Variants in AHCYL2 observed in about 807,000 individuals in gnomAD.
The protein encoded by AHCYL2 is S-adenosylhomocysteine hydrolase-like protein 2.
Under a neutral mutation model 81.4 loss-of-function variants are expected in AHCYL2, and 28 were observed. The observed-to-expected ratio is 0.34, with a 90% CI of 0.25 to 0.47. The LOEUF is 0.47. Ranked by LOEUF, AHCYL2 falls within the 20% of genes least tolerant of loss-of-function variation. AHCYL2 has a pLI of 1.00. For missense variants in AHCYL2, 551 were observed against 785.1 expected (o/e 0.70, Z 3.56); for synonymous variants, 272 against 290.2 (o/e 0.94, Z 0.64).
chr7:129,248,319 G>C (rs746923484), intron 1 of AHCYL2, among the ~76,000 whole-genome samples: 1 of 152,072 alleles, frequency 6.6e-6, no homozygotes, highest in South Asian at 2.1e-4. Context: ...TAAAAATCCT[G>C]GGATGCTCGA....
In AHCYL2 at chr7:129,426,931, C is replaced by A. The variant is rs1797390283; in HGVS notation, c.1830-108C>A. 2.7e-6 allele frequency: 3 copies of A among 1,124,978 alleles called. No individual in the cohort carries two copies. Among genetic ancestry groups the A allele is most frequent in the Non-Finnish European group, 4.0e-6 (3 of 757,142 alleles). 69.7% of individuals were successfully genotyped at this position (1,124,978 alleles called of 1,614,324 possible). A position where few individuals can be genotyped will look rare whatever the true frequency, so the allele number is the denominator to read the frequency against. ...CACAGTTATTTCCTGTCACTGTACA[C>A]TCCAGAAAAGTCTCTGCCTCCCTGT... is the stretch of plus-strand genomic sequence containing the variant. On this transcript the variant is annotated intron_variant, in intron 16 of 16. Transcript: ENST00000325006. The surrounding 1 kb of genome is among the most constrained non-coding windows in gnomAD (Gnocchi z 4.3).
At chr7:129,273,469 C>T (rs1450509902) in intron 1 of AHCYL2, among the ~76,000 whole-genome samples, 2 of 151,778 alleles carry the variant, frequency 1.3e-5, no homozygotes, top group East Asian at 3.9e-4. Flanking sequence ...TCTGGGATTA[C>T]AGGCATGCAT....
chr7:129,404,647 C>T (rs1014297982), intron 7 of AHCYL2, among the ~76,000 whole-genome samples: 5 of 152,154 alleles, frequency 3.3e-5, no homozygotes, highest in East Asian at 1.9e-4. Flanking sequence ...TGCTCTCCAG[C>T]GGGGACAACA....
chr7:129,358,607 ATTG>A (rs754477550), intron 1 of AHCYL2, among the ~76,000 whole-genome samples: 20 of 152,318 alleles, frequency 1.3e-4, no homozygotes, highest in East Asian at 3.9e-4. Flanking sequence ...AGAATGAGGA[ATTG>A]TTGTTTAATG....
chr7:129,238,084 A>G lies in AHCYL2; in HGVS notation c.363+12645A>G, dbSNP rs539701707. Among the ~76,000 whole-genome samples the G allele has an allele frequency of 4.6e-5, 7 of 152,052 alleles. No individual in the cohort carries two copies. The South Asian group carries it at 1.0e-3, about 23-fold the overall frequency. ...GTGTGATGAGGCTCTAGGACGAAAA[A>G]TTTTTCCCGGGTTAGGTAGGTGTGG... is the stretch of plus-strand genomic sequence containing the variant. On this transcript the variant is annotated intron_variant, in intron 1 of 16. Coordinates refer to ENST00000325006, the MANE Select transcript of AHCYL2 (RefSeq NM_015328.4).
intron 1 of AHCYL2, among the ~76,000 whole-genome samples, chr7:129,326,259 G>C (rs1000239629): frequency 1.3e-5 from 2 of 152,104 alleles, no homozygotes; most frequent in Non-Finnish European, 2.9e-5. Context: ...GGGCACAGTG[G>C]CTTACACCTG....
chr7:129,407,189 A>C (rs1796347914), intron 10 of AHCYL2, among the ~76,000 whole-genome samples: 1 of 152,020 alleles, frequency 6.6e-6, no homozygotes, highest in Non-Finnish European at 1.5e-5. Context: ...ATCTCTACAA[A>C]TAATTTTTTT....
At chr7:129,357,852 T>C (rs942577449) in intron 1 of AHCYL2, among the ~76,000 whole-genome samples, 19 of 148,216 alleles carry the variant, frequency 1.3e-4, no homozygotes, top group African/African-American at 4.0e-4. Context: ...GAGAATAGCG[T>C]GAATCCAGGA....
chr7:129,410,331 C>A (rs1031011888), intron 11 of AHCYL2: 1 of 1,614,232 alleles, frequency 6.2e-7, no homozygotes, highest in Non-Finnish European at 8.5e-7. Flanking sequence ...TCAATGTCAT[C>A]AAGCTTTAGC....
intron 11 of AHCYL2, among the ~76,000 whole-genome samples, chr7:129,410,956 A>T (rs1016812356): frequency 6.6e-6 from 1 of 152,112 alleles, no homozygotes; most frequent in African/African-American, 2.4e-5. Flanking sequence ...TTAAATAGAG[A>T]TGAGGTCTCA....
At chr7:129,281,622 A>G (rs1348758441) in intron 1 of AHCYL2, among the ~76,000 whole-genome samples, 2 of 150,092 alleles carry the variant, frequency 1.3e-5, no homozygotes, top group Middle Eastern at 6.9e-3. Context: ...TCAGCCTCTC[A>G]AGTAGCTGGG....
Position 129,379,809 on chromosome 7 carries a change from C to G in AHCYL2, c.475+60C>G, listed in dbSNP as rs564446095. 2.3e-6 allele frequency: 3 copies of G among 1,312,946 alleles called. No homozygotes were observed. The Admixed American group carries it at 6.0e-5, about 26-fold the overall frequency. The allele number at this position is 1,312,946 out of a possible 1,614,324, so 81.3% of individuals were successfully genotyped here. A position where few individuals can be genotyped will look rare whatever the true frequency, so the allele number is the denominator to read the frequency against. ...GGCTAATAAGTACGATCTCAATGGG[C>G]CCTCCTGTCTATCCAAGGCTAATTA... On this transcript the variant is annotated intron_variant, in intron 2 of 16. Coordinates refer to ENST00000325006, the MANE Select transcript of AHCYL2 (RefSeq NM_015328.4).
In AHCYL2 at chr7:129,326,690, A is replaced by G. The variant is rs75554840; in HGVS notation, c.364-52948A>G. On this transcript the variant is annotated intron_variant, in intron 1 of 16. Coordinates refer to ENST00000325006, the MANE Select transcript of AHCYL2 (RefSeq NM_015328.4). Reference sequence around the variant, plus strand: ...AGTGAAACTTAAAGGCTAAGAAGAAACTCACCATATGAAGAATAGGGGAAA... The same window carrying G: ...AGTGAAACTTAAAGGCTAAGAAGAAGCTCACCATATGAAGAATAGGGGAAA... Among the ~76,000 whole-genome samples, 777 of 152,158 alleles carry G rather than the reference A, an allele frequency of 5.1e-3. 11 individuals are homozygous for G. The highest frequency in any genetic ancestry group is 0.018 in the African/African-American group (743 of 41,508).
rs1794858595 is a variant in AHCYL2 at position 129,379,665 on chromosome 7, G to A, written c.391G>A (p.Glu131Lys). Residue 131 changes from glutamate (E) to lysine (K), a missense_variant, in exon 2 of 17, where the codon GAA becomes AAA. Transcript: ENST00000325006. ...KQIQFADQKQ[E>K]FNKRPTKIGR... is the part of the protein sequence containing the mutation. ...GATCCAGTTTGCTGACCAGAAGCAA[G>A]AATTCAACAAACGTCCCACCAAAAT... 1 of 1,614,088 alleles carries A rather than the reference G, an allele frequency of 6.2e-7. No homozygotes were observed. Among genetic ancestry groups the A allele is most frequent in the African/African-American group, 1.3e-5 (1 of 75,022 alleles).
At chr7:129,350,714 CTTT>C (rs56115169) in intron 1 of AHCYL2, among the ~76,000 whole-genome samples, 9 of 122,126 alleles carry the variant, frequency 7.4e-5, no homozygotes, top group Non-Finnish European at 5.1e-5. Flanking sequence ...TTCTTTCTTT[CTTT>C]TTTTTTTTTT....
chr7:129,319,211 T>G (rs1164425824), intron 1 of AHCYL2, among the ~76,000 whole-genome samples: 1 of 152,092 alleles, frequency 6.6e-6, no homozygotes, highest in Non-Finnish European at 1.5e-5. Flanking sequence ...ATCCCAGCAC[T>G]TTGGGAGGCC....
chr7:129,334,063 T>TTTATGCCA lies in AHCYL2; in HGVS notation c.364-45575_364-45574insTTATGCCA, dbSNP rs530375111. Among the ~76,000 whole-genome samples the TTTATGCCA allele has an allele frequency of 1.4e-3, 216 of 152,320 alleles. 2 individuals are homozygous for TTTATGCCA. In the South Asian group the frequency reaches 0.022, roughly 16 times the overall value. ...CTGTATAATATTCTGTTGTTGGATG[T>TTTATGCCA]ACCTCAGTTTATGCCATCAGAACCC... On this transcript the variant is annotated intron_variant, in intron 1 of 16. Coordinates refer to ENST00000325006, the MANE Select transcript of AHCYL2 (RefSeq NM_015328.4).
intron 1 of AHCYL2, among the ~76,000 whole-genome samples, chr7:129,280,271 G>A (rs1320609569): frequency 7.0e-6 from 1 of 143,308 alleles, no homozygotes; most frequent in African/African-American, 2.6e-5. Flanking sequence ...CTTTGTTCAA[G>A]CAGTTCTTCT....
At chr7:129,231,438 C>G (rs560504076) in intron 1 of AHCYL2, among the ~76,000 whole-genome samples, 2 of 152,022 alleles carry the variant, frequency 1.3e-5, no homozygotes, top group Non-Finnish European at 2.9e-5. Flanking sequence ...TTCCCTCCCC[C>G]ACGAGAGAAA....
Sources: allele counts gnomAD v4.1 joint callset (sites outside exome capture counted in the v4.1 genomes callset), GRCh38; gene constraint gnomAD v4.1.1; non-coding constraint Gnocchi (gnomAD v3.1); transcripts MANE v1.5; gene names NCBI Gene and HGNC (gene_info 2026-07-23, HGNC 2026-07-21).